TET3: variants seen among roughly 807,000 people sequenced by gnomAD.
TET3 encodes the protein methylcytosine dioxygenase TET3.
Under a neutral mutation model 141.4 loss-of-function variants are expected in TET3, and 19 were observed. The observed-to-expected ratio is 0.13, with a 90% CI of 0.09 to 0.20. TET3 has a LOEUF of 0.20. Ranked by LOEUF, TET3 falls within the 10% of genes least tolerant of loss-of-function variation. The pLI is 1.00. For synonymous variants in TET3, 1,043 were observed against 980.9 expected (o/e 1.06, Z -1.18); for missense variants, 1,874 against 2,356.9 (o/e 0.80, Z 4.24).
At chr2:74,132,147 C>T in the TET3 span, among the ~76,000 whole-genome samples, 12 of 152,142 alleles carry the variant, frequency 7.9e-5, no homozygotes, top group African/African-American at 2.4e-4. Context: ...ATAGAACCCC[C>T]TCTTCTTTTG....
At chr2:74,116,689 T>TAAAAAAAAAAAAAAAAAACAAAAAAAAAA in the TET3 span, among the ~76,000 whole-genome samples, 1 of 133,080 alleles carries the variant, frequency 7.5e-6, no homozygotes. Context: ...CATCCCAAGT[T>TAAAAAAAAAAAAAAAAAACAAAAAAAAAA]AAAAAAAAAA....
At chr2:73,988,965 G>T (rs1684184158) in intron 2 of TET3, among the ~76,000 whole-genome samples, 2 of 127,834 alleles carry the variant, frequency 1.6e-5, no homozygotes, top group African/African-American at 6.2e-5. Context: ...ATGGTAACCA[G>T]TGCCTCTCTC....
intron 3 of TET3, among the ~76,000 whole-genome samples, chr2:74,032,678 G>A (rs149049239): frequency 4.9e-4 from 75 of 152,226 alleles, no homozygotes; most frequent in Middle Eastern, 3.4e-3. Context: ...GCTGCTTGAG[G>A]CAGGGGCTTC....
chr2:74,102,294 A>G lies in TET3; in HGVS notation c.*118A>G, dbSNP rs1572908752. The G allele has an allele frequency of 1.1e-5, 14 of 1,269,256 alleles. No individual in the cohort carries two copies. In the East Asian group the frequency reaches 2.3e-4, roughly 21 times the overall value. The allele number at this position is 1,269,256 out of a possible 1,614,324, so 78.6% of individuals were successfully genotyped here. On this transcript the variant is annotated 3_prime_UTR_variant, in exon 12 of 12. Coordinates refer to ENST00000409262, the MANE Select transcript of TET3 (RefSeq NM_001287491.2). The stretch of plus-strand genomic sequence containing the variant: ...CAGAAGTCTTTTTATCTCTATATAC[A>G]TATATAGATGCGCATATCATATATA...
At chr2:74,135,349 C>A in the TET3 span, 1 of 632,372 alleles carries the variant, frequency 1.6e-6, no homozygotes. Context: ...ACAGAACTGT[C>A]TAAAGACAAG....
intron 4 of TET3, among the ~76,000 whole-genome samples, chr2:74,060,990 C>T (rs1334300417): frequency 1.1e-4 from 17 of 152,308 alleles, no homozygotes; most frequent in African/African-American, 4.1e-4. Context: ...TCCACAAAAC[C>T]GCCACTGTCA....
the TET3 span, among the ~76,000 whole-genome samples, chr2:74,123,585 GT>G: frequency 9.2e-5 from 14 of 152,212 alleles, no homozygotes; most frequent in Admixed American, 9.2e-4. Context: ...CTGGAGTGCA[GT>G]GGCGTGATCT....
chr2:74,018,762 G>A (rs75759076), intron 3 of TET3, among the ~76,000 whole-genome samples: 1 of 120,682 alleles, frequency 8.3e-6, no homozygotes. Flanking sequence ...TTTTTTTTTG[G>A]CATTTCTTTC....
At chr2:73,987,236 CT>C (rs962263331) in intron 2 of TET3, among the ~76,000 whole-genome samples, 2 of 152,080 alleles carry the variant, frequency 1.3e-5, no homozygotes, top group African/African-American at 4.8e-5. Flanking sequence ...TTGGGTTCCC[CT>C]ATCTTAGTTC....
At chr2:74,050,028 ATG>A (rs948835311) in intron 4 of TET3, among the ~76,000 whole-genome samples, 4 of 152,096 alleles carry the variant, frequency 2.6e-5, no homozygotes, top group African/African-American at 9.7e-5. Flanking sequence ...CTGTGCGTGT[ATG>A]TGTGTGTCCC....
At chr2:74,038,099 G>C (rs1023326660) in intron 3 of TET3, among the ~76,000 whole-genome samples, 4 of 152,196 alleles carry the variant, frequency 2.6e-5, no homozygotes, top group African/African-American at 9.7e-5. Flanking sequence ...AGAAGACAGT[G>C]CACTGTAGAG....
chr2:74,099,482 C>G lies in TET3; in HGVS notation c.3474C>G (p.Ser1158=). ...GACGCCTGCCCGAGCCTGCCAAGTC[C>G]TGCCGCCAGCGGCAGCTGGAAGCCA... ...EVRRLPEPAK[S]CRQRQLEARK... is the part of the protein sequence containing the mutation. The change falls in exon 11 of 12, where the codon TCC becomes TCG. Residue 1158 remains serine (S), a synonymous_variant. Coordinates refer to ENST00000409262, the MANE Select transcript of TET3 (RefSeq NM_001287491.2). The G allele has an allele frequency of 6.2e-7, 1 of 1,613,786 alleles. No individual in the cohort carries two copies.
At position 74,102,693 on chromosome 2, in the gene TET3, C is replaced by T. The variant is rs1691297879; in HGVS notation, c.*517C>T. ...CTCGCTGGGTCTGGCGAGCCAAGCC[C>T]CTCGGGCGCTGGCGAGGTCCTCAGC... On this transcript the variant is annotated 3_prime_UTR_variant, in exon 12 of 12. Transcript: ENST00000409262. The T allele has an allele frequency of 6.6e-6, 1 of 152,168 alleles. No homozygotes were observed. Among genetic ancestry groups the T allele is most frequent in the Non-Finnish European group, 1.5e-5 (1 of 68,038 alleles). 9.4% of individuals were successfully genotyped at this position (152,168 alleles called of 1,614,324 possible).
At chr2:74,015,000 C>A (rs1685654221) in intron 3 of TET3, among the ~76,000 whole-genome samples, 1 of 152,192 alleles carries the variant, frequency 6.6e-6, no homozygotes, top group Non-Finnish European at 1.5e-5. Flanking sequence ...TAACAGTGAT[C>A]ATGTGGTGAA....
At chr2:74,029,737 G>T (rs1289517131) in intron 3 of TET3, among the ~76,000 whole-genome samples, 1 of 152,156 alleles carries the variant, frequency 6.6e-6, no homozygotes, top group East Asian at 1.9e-4. Context: ...TGTCCTTTCT[G>T]TTCCTTATTC....
At position 74,105,213 on chromosome 2, in the gene TET3, ATAT is replaced by A. The variant is rs1018224228; in HGVS notation, c.*3041_*3043del. 8 of 398,512 alleles carry A rather than the reference ATAT, an allele frequency of 2.0e-5. No individual in the cohort carries two copies. Among genetic ancestry groups the A allele is most frequent in the African/African-American group, 1.4e-4 (7 of 48,636 alleles). 24.7% of individuals were successfully genotyped at this position (398,512 alleles called of 1,614,324 possible). A position where few individuals can be genotyped will look rare whatever the true frequency, so the allele number is the denominator to read the frequency against. On this transcript the variant is annotated 3_prime_UTR_variant, in exon 12 of 12. Coordinates refer to ENST00000409262, the MANE Select transcript of TET3 (RefSeq NM_001287491.2). ...ACAGCATGACCAAGTTCGAAGAGTCATATTATAGCAACGGAAATCGATGGCGTC... is the reference window on the plus strand; with the variant it reads ...ACAGCATGACCAAGTTCGAAGAGTCATATAGCAACGGAAATCGATGGCGTC...
rs774750439 is a variant in TET3 at position 74,047,142 on chromosome 2, G to A, written c.1225G>A (p.Val409Ile). 5 of 1,613,868 alleles carry A rather than the reference G, an allele frequency of 3.1e-6. No homozygotes were observed. The African/African-American group carries it at 5.3e-5, about 17-fold the overall frequency. ...SYLRAPSWPV[V>I]PPEEHSSFAP... is the part of the protein sequence containing the mutation. ...CCTCCGGGCTCCCTCATGGCCTGTG[G>A]TTCCTCCTGAAGAGCACTCATCTTT... Residue 409 changes from valine (V) to isoleucine (I), a missense_variant, in exon 4 of 12, where the codon GTT (valine) becomes ATT (isoleucine). Physicochemically the swap from Val to Ile is conservative, Grantham distance 29 (BLOSUM62 3). Coordinates refer to ENST00000409262, the MANE Select transcript of TET3 (RefSeq NM_001287491.2).
rs78580757 is a variant in TET3 at position 74,005,641 on chromosome 2, G to A, written c.360+2475G>A. The stretch of plus-strand genomic sequence containing the variant: ...GGGACACGGGACACGGGGGTGTCAC[G>A]AGATGGGTGCTGGCTGAGGAAGCCC... On this transcript the variant is annotated intron_variant, in intron 3 of 11. Coordinates refer to ENST00000409262, the MANE Select transcript of TET3 (RefSeq NM_001287491.2). 6.7e-3 allele frequency among the ~76,000 whole-genome samples: 1,017 copies of A among 152,298 alleles called. 10 individuals are homozygous for A. Among genetic ancestry groups the A allele is most frequent in the African/African-American group, 0.023 (953 of 41,552 alleles).
chr2:73,998,083 G>A (rs1219814710), intron 2 of TET3, among the ~76,000 whole-genome samples: 2 of 152,182 alleles, frequency 1.3e-5, no homozygotes, highest in Admixed American at 6.5e-5. Flanking sequence ...CAGGGGTGTG[G>A]AAGGATGAGG....
Sources: allele counts gnomAD v4.1 joint callset (sites outside exome capture counted in the v4.1 genomes callset), GRCh38; gene constraint gnomAD v4.1.1; transcripts MANE v1.5; gene names NCBI Gene and HGNC (gene_info 2026-07-23, HGNC 2026-07-21).